CREB5: variants seen among roughly 807,000 people sequenced by gnomAD.
CREB5 encodes the protein cyclic AMP-responsive element-binding protein 5.
A neutral mutation model predicts 57.1 loss-of-function variants in CREB5; 19 were observed. The observed-to-expected ratio is 0.33, with a 90% CI of 0.23 to 0.49. CREB5 has a LOEUF of 0.49. Ranked by LOEUF, CREB5 falls within the 20% of genes least tolerant of loss-of-function variation. The pLI is 0.99. For synonymous variants in CREB5, 238 were observed against 238.3 expected, an observed-to-expected ratio of 1.00 and a Z score of 0.01; for missense variants, 579 against 671.6, an observed-to-expected ratio of 0.86 and a Z score of 1.52.
chr7:28,746,440 G>A (rs977456728), intron 7 of CREB5, among the ~76,000 whole-genome samples: 18 of 152,140 alleles, frequency 1.2e-4, no homozygotes, highest in African/African-American at 2.4e-4. Context: ...CAGCACCACC[G>A]GGGAGCCCTT....
At chr7:28,686,564 G>A (rs1165146996) in intron 5 of CREB5, among the ~76,000 whole-genome samples, 2 of 152,078 alleles carry the variant, frequency 1.3e-5, no homozygotes, top group Non-Finnish European at 2.9e-5. Flanking sequence ...GAGCAAACTC[G>A]GGCGAAGTTT....
intron 7 of CREB5, among the ~76,000 whole-genome samples, chr7:28,744,582 A>G (rs1804590843): frequency 6.6e-6 from 1 of 151,962 alleles, no homozygotes; most frequent in African/African-American, 2.4e-5. Flanking sequence ...TCTTGACCTC[A>G]GGTGATCCAC....
chr7:28,620,631 C>T (rs780929741), intron 5 of CREB5, among the ~76,000 whole-genome samples: 2 of 152,170 alleles, frequency 1.3e-5, no homozygotes, highest in East Asian at 1.9e-4. Context: ...TGCCTATTCC[C>T]TCCTCTTTTC....
chr7:28,809,155 C>T (rs1452231749), intron 8 of CREB5, 32 bp from the exon 9 acceptor site: 3 of 1,578,806 alleles, frequency 1.9e-6, no homozygotes, highest in Non-Finnish European at 2.6e-6. Context: ...CCTTCCCTAT[C>T]CCCATCACCT....
At chr7:28,594,751 C>T (rs1028685555) in intron 5 of CREB5, among the ~76,000 whole-genome samples, 8 of 152,190 alleles carry the variant, frequency 5.3e-5, no homozygotes, top group Non-Finnish European at 1.5e-5. Flanking sequence ...TCATATTAGA[C>T]TCTGTAGTAG....
chr7:28,400,474 A>G (rs1209488550), intron 1 of CREB5, among the ~76,000 whole-genome samples: 1 of 152,218 alleles, frequency 6.6e-6, no homozygotes, highest in Non-Finnish European at 1.5e-5. Context: ...TGCTTTTGCT[A>G]AACAGCACAA....
Position 28,809,218 on chromosome 7 carries a change from C to A in CREB5, c.1058C>A (p.Thr353Asn). ...VSPATQQMQP[T>N]QTIQPPQPTG... ...CCAGCAACACAACAGATGCAGCCAA[C>A]CCAGACAATACAGCCACCCCAGCCC... The change falls in exon 9 of 11, where the codon ACC (threonine) becomes AAC (asparagine). Residue 353 changes from threonine (T) to asparagine (N), a missense_variant. This residue lies in a region of CREB5 where 459 missense variants were observed against 515.7 expected (regional missense o/e 0.89). Transcript: ENST00000357727. 1 of 1,613,862 alleles carries A rather than the reference C, an allele frequency of 6.2e-7. No individual in the cohort carries two copies. The highest frequency in any genetic ancestry group is 8.5e-7 in the Non-Finnish European group (1 of 1,179,872).
intron 1 of CREB5, among the ~76,000 whole-genome samples, chr7:28,467,384 A>T (rs952704838): frequency 1.3e-5 from 2 of 152,168 alleles, no homozygotes; most frequent in African/African-American, 4.8e-5. Flanking sequence ...ACATCCCATT[A>T]TTCCGTCCCT....
At chr7:28,325,174 AG>A (rs369564101) in intron 1 of CREB5, among the ~76,000 whole-genome samples, 1 of 152,190 alleles carries the variant, frequency 6.6e-6, no homozygotes, top group African/African-American at 2.4e-5. Context: ...AATGTAAATC[AG>A]GCCGGGCGCA....
At chr7:28,309,833 C>T (rs1203045174) in intron 1 of CREB5, among the ~76,000 whole-genome samples, 1 of 152,198 alleles carries the variant, frequency 6.6e-6, no homozygotes, top group Non-Finnish European at 1.5e-5. Context: ...CTTCCTCCTT[C>T]TCTGATTTCT....
chr7:28,504,353 C>G (rs1792389440), intron 3 of CREB5, among the ~76,000 whole-genome samples: 1 of 152,186 alleles, frequency 6.6e-6, no homozygotes, highest in African/African-American at 2.4e-5. Flanking sequence ...CCAGTCAGCT[C>G]CAGCCCCAGT....
chr7:28,435,819 C>A, intron 1 of CREB5: 1 of 283,822 alleles, frequency 3.5e-6, no homozygotes, highest in Non-Finnish European at 5.3e-6. Context: ...TTCTTCTTGG[C>A]TGAGAGCTGG....
At chr7:28,368,627 G>C (rs1178572406) in intron 1 of CREB5, among the ~76,000 whole-genome samples, 1 of 152,122 alleles carries the variant, frequency 6.6e-6, no homozygotes, top group Non-Finnish European at 1.5e-5. Context: ...CCCTCAGATG[G>C]TCCCATTGCT....
At chr7:28,329,651 A>G (rs1785677181) in intron 1 of CREB5, among the ~76,000 whole-genome samples, 1 of 152,194 alleles carries the variant, frequency 6.6e-6, no homozygotes, top group Admixed American at 6.5e-5. Context: ...CACTGAAAAA[A>G]GTTCCCTAGA....
chr7:28,560,879 CGTGCGTGCGTGT>C (rs1562797439), intron 4 of CREB5, among the ~76,000 whole-genome samples: 1 of 22,060 alleles, frequency 4.5e-5, no homozygotes. Flanking sequence ...CGTGCGCGTG[CGTGCGTGCGTGT>C]GTGTGCGTGC....
chr7:28,415,837 C>A (rs766148988), intron 1 of CREB5, among the ~76,000 whole-genome samples: 1 of 152,158 alleles, frequency 6.6e-6, no homozygotes, highest in African/African-American at 2.4e-5. Flanking sequence ...AATAGAGAAA[C>A]GGGTGATGTT....
chr7:28,607,959 G>C (rs1797214402), intron 5 of CREB5, among the ~76,000 whole-genome samples: 1 of 152,020 alleles, frequency 6.6e-6, no homozygotes, highest in African/African-American at 2.4e-5. Context: ...ACACTGAACA[G>C]CGCCGTACAT....
chr7:28,593,878 G>A (rs1796608472), intron 5 of CREB5, among the ~76,000 whole-genome samples: 1 of 152,218 alleles, frequency 6.6e-6, no homozygotes, highest in Non-Finnish European at 1.5e-5. Context: ...TGCCAAGTGG[G>A]AAAGAGTAAA....
intron 5 of CREB5, among the ~76,000 whole-genome samples, chr7:28,686,447 T>G (rs1583546817): frequency 6.8e-6 from 1 of 146,158 alleles, no homozygotes; most frequent in Admixed American, 7.0e-5. Context: ...GAGACCTGAA[T>G]GAGTTGAACA....
Sources: gnomAD v4.1 joint callset for allele counts (sites outside exome capture counted in the v4.1 genomes callset) on GRCh38, gnomAD v4.1.1 for gene constraint, gnomAD v4.1.1 regional missense constraint, MANE v1.5 for transcripts, NCBI Gene and HGNC (gene_info 2026-07-23, HGNC 2026-07-21) for gene names.